Variants in DACH2 observed in about 807,000 individuals in gnomAD.
DACH2 encodes dachshund homolog 2.
In DACH2, 17 loss-of-function variants were observed where a neutral mutation model predicts 35.8. The observed-to-expected ratio is 0.48, with a 90% CI of 0.33 to 0.71. The LOEUF (loss-of-function observed/expected upper bound fraction) is 0.71, where lower values mean the gene tolerates loss of function less well. DACH2 is among the 30% of genes least tolerant of loss of function. DACH2 has a pLI of 0.02. For missense variants in DACH2, 469 were observed against 472.7 expected, an observed-to-expected ratio of 0.99 and a Z score of 0.07; for synonymous variants, 195 against 177.3, an observed-to-expected ratio of 1.10 and a Z score of -0.79.
chrX:86,362,189 A>C (rs1340382510), intron 1 of DACH2, among the ~76,000 whole-genome samples: 2 of 111,454 alleles, frequency 1.8e-5, no homozygotes, highest in African/African-American at 6.5e-5. Flanking sequence ...TATTCAAACA[A>C]AAAGTCAGTC....
At chrX:86,695,232 G>A (rs2041053835) in intron 5 of DACH2, 53 bp downstream of exon 5, 1 of 911,668 alleles carries the variant, frequency 1.1e-6, no homozygotes, top group South Asian at 6.1e-5. Context: ...TACTATCCAA[G>A]ACCTACTAGA....
At chrX:86,389,070 C>G (rs2157402) in intron 2 of DACH2, among the ~76,000 whole-genome samples, 37,230 of 110,059 alleles carry the variant, frequency 0.34, 4,944 homozygotes, top group African/African-American at 0.5. Flanking sequence ...ATTCCCTGAC[C>G]CCACACCTGA....
chrX:86,831,384 T>C (rs1285761783), intron 11 of DACH2: 1 of 111,659 alleles, frequency 9.0e-6, no homozygotes, highest in Non-Finnish European at 1.9e-5. Context: ...ACATTTCTTT[T>C]CCTACTTCTT....
chrX:86,149,219 C>T (rs1014089387), intron 1 of DACH2, 111 bp downstream of exon 1: 6 of 918,459 alleles, frequency 6.5e-6, no homozygotes, highest in Non-Finnish European at 8.7e-6. Flanking sequence ...AACTAGTTTG[C>T]CTCTATTCTT....
At chrX:86,562,047 G>T (rs2039227968) in intron 3 of DACH2, among the ~76,000 whole-genome samples, 1 of 108,415 alleles carries the variant, frequency 9.2e-6, no homozygotes, top group Non-Finnish European at 1.9e-5. Flanking sequence ...TTATAAAAAT[G>T]AATTTATATT....
At chrX:86,482,821 T>A (rs1488319326) in intron 2 of DACH2, among the ~76,000 whole-genome samples, 1 of 110,393 alleles carries the variant, frequency 9.1e-6, no homozygotes, top group African/African-American at 3.3e-5. Flanking sequence ...TAAAAAATGA[T>A]GAGTTCATGT....
At chrX:86,192,864 G>T (rs2031872355) in intron 1 of DACH2, among the ~76,000 whole-genome samples, 1 of 112,113 alleles carries the variant, frequency 8.9e-6, no homozygotes, top group Non-Finnish European at 1.9e-5. Flanking sequence ...AAAAGGAAGG[G>T]ATGTCATCGT....
chrX:86,372,204 A>G (rs902873356), intron 1 of DACH2, among the ~76,000 whole-genome samples: 4 of 111,080 alleles, frequency 3.6e-5, no homozygotes, highest in Admixed American at 9.7e-5. Flanking sequence ...TTTAGGTGCT[A>G]TTCTATATAT....
At chrX:86,386,938 T>G (rs1035922644) in intron 2 of DACH2, among the ~76,000 whole-genome samples, 4 of 111,611 alleles carry the variant, frequency 3.6e-5, no homozygotes, top group Admixed American at 2.9e-4. Context: ...GTCTCCTAAA[T>G]TTTCCATCAT....
intron 1 of DACH2, among the ~76,000 whole-genome samples, chrX:86,275,002 G>A (rs1251031790): frequency 9.0e-6 from 1 of 111,492 alleles, no homozygotes; most frequent in Admixed American, 9.5e-5. Context: ...AAGCAGCACA[G>A]CAAAACATAG....
intron 3 of DACH2, among the ~76,000 whole-genome samples, chrX:86,543,732 A>G (rs2038918272): frequency 9.3e-6 from 1 of 107,438 alleles, no homozygotes; most frequent in Admixed American, 1.0e-4. Flanking sequence ...AACTATCGCA[A>G]GAACCAAAAA....
chrX:86,309,418 C>T (rs1389355253), intron 1 of DACH2, among the ~76,000 whole-genome samples: 1 of 112,355 alleles, frequency 8.9e-6, no homozygotes, highest in Admixed American at 9.4e-5. Flanking sequence ...TTGCCTTCAG[C>T]TGGCAAGGAC....
chrX:86,708,239 A>G (rs1233698828), intron 5 of DACH2, among the ~76,000 whole-genome samples: 2 of 110,631 alleles, frequency 1.8e-5, no homozygotes, highest in African/African-American at 3.3e-5. Flanking sequence ...CAAGGGAAGG[A>G]CGTTACCTCT....
intron 3 of DACH2, among the ~76,000 whole-genome samples, chrX:86,622,908 A>T (rs1279587071): frequency 8.9e-6 from 1 of 112,098 alleles, no homozygotes; most frequent in Admixed American, 9.5e-5. Context: ...AAAGAAAAAA[A>T]ACTGGTGTTT....
chrX:86,291,077 G>C (rs1363383927), intron 1 of DACH2, among the ~76,000 whole-genome samples: 4 of 101,400 alleles, frequency 3.9e-5, no homozygotes, highest in Non-Finnish European at 8.0e-5. Flanking sequence ...TCTTCCATTT[G>C]TTTGTATCCT....
At chrX:86,253,417 C>T (rs1045745587) in intron 1 of DACH2, among the ~76,000 whole-genome samples, 4 of 111,410 alleles carry the variant, frequency 3.6e-5, no homozygotes, top group African/African-American at 1.3e-4. Flanking sequence ...AAGCTGCTTC[C>T]CAAATTCCCT....
At chrX:86,278,864 C>T (rs778492995) in intron 1 of DACH2, among the ~76,000 whole-genome samples, 5 of 111,438 alleles carry the variant, frequency 4.5e-5, no homozygotes, top group African/African-American at 9.8e-5. Context: ...GGGAGAGGGG[C>T]GTCCGCAATT....
chrX:86,424,888 A>G (rs998191894), intron 2 of DACH2, among the ~76,000 whole-genome samples: 1 of 111,320 alleles, frequency 9.0e-6, no homozygotes, highest in South Asian at 3.7e-4. Flanking sequence ...TCAGGAAAGA[A>G]TGTCGAATTT....
At chrX:86,416,068 T>A (rs1199657301) in intron 2 of DACH2, among the ~76,000 whole-genome samples, 1 of 112,119 alleles carries the variant, frequency 8.9e-6, no homozygotes, top group Non-Finnish European at 1.9e-5. Flanking sequence ...AAAATGAGAA[T>A]TATAACTGGG....
Sources: allele counts gnomAD v4.1 joint callset (sites outside exome capture counted in the v4.1 genomes callset), GRCh38; gene constraint gnomAD v4.1.1; transcripts MANE v1.5; gene names NCBI Gene and HGNC (gene_info 2026-07-23, HGNC 2026-07-21).